NPAS3: variants seen among roughly 807,000 people sequenced by gnomAD.
The protein encoded by NPAS3 is neuronal PAS domain-containing protein 3.
A neutral mutation model predicts 73.1 loss-of-function variants in NPAS3; 14 were observed. That is an observed-to-expected ratio of 0.19 (90% CI 0.13 to 0.30). The LOEUF (loss-of-function observed/expected upper bound fraction) is 0.30. NPAS3 is among the 10% of genes least tolerant of loss of function. The pLI is 1.00. For missense variants in NPAS3, 1,096 were observed against 1,250.0 expected, an observed-to-expected ratio of 0.88 and a Z score of 1.86; for synonymous variants, 620 against 541.5, an observed-to-expected ratio of 1.14 and a Z score of -2.01.
chr14:33,437,993 A>G (rs1485787307), intron 4 of NPAS3, among the ~76,000 whole-genome samples: 2 of 152,240 alleles, frequency 1.3e-5, no homozygotes, highest in African/African-American at 4.8e-5. Context: ...TAGGAATTTT[A>G]TAATGAAGAT....
chr14:33,261,472 A>G (rs1240187788), intron 3 of NPAS3, among the ~76,000 whole-genome samples: 2 of 152,244 alleles, frequency 1.3e-5, no homozygotes, highest in Non-Finnish European at 2.9e-5. Context: ...TTGTACATAT[A>G]TTTAAAAGAT....
At chr14:33,344,219 A>C (rs986490221) in intron 3 of NPAS3, among the ~76,000 whole-genome samples, 21 of 152,240 alleles carry the variant, frequency 1.4e-4, no homozygotes, top group African/African-American at 4.8e-4. Context: ...TTGGATAGAC[A>C]ACATATTTAC....
chr14:33,189,181 T>A (rs749044235), intron 2 of NPAS3, among the ~76,000 whole-genome samples: 2 of 152,206 alleles, frequency 1.3e-5, no homozygotes, highest in African/African-American at 4.8e-5. Flanking sequence ...GGCTTCTCCC[T>A]TTTGGACCCA....
intron 5 of NPAS3, among the ~76,000 whole-genome samples, chr14:33,585,538 A>G (rs2056831633): frequency 6.6e-6 from 1 of 152,214 alleles, no homozygotes; most frequent in African/African-American, 2.4e-5. Context: ...TTTGGATTGA[A>G]ATAACCTTAT....
At chr14:33,376,022 C>A (rs1389508229) in intron 4 of NPAS3, among the ~76,000 whole-genome samples, 1 of 152,028 alleles carries the variant, frequency 6.6e-6, no homozygotes, top group Admixed American at 6.6e-5. Context: ...ACTGGAGAAT[C>A]TTATTGTGGT....
intron 1 of NPAS3, among the ~76,000 whole-genome samples, chr14:33,009,161 A>G (rs1266261084): frequency 6.6e-6 from 1 of 152,208 alleles, no homozygotes; most frequent in African/African-American, 2.4e-5. Context: ...TCCTCACTGT[A>G]TTAGAAAAGT....
At chr14:33,657,090 C>T (rs566547987) in intron 5 of NPAS3, among the ~76,000 whole-genome samples, 2 of 152,226 alleles carry the variant, frequency 1.3e-5, no homozygotes, top group East Asian at 3.9e-4. Context: ...GGACATCGCG[C>T]TAAGTGAAAT....
chr14:33,413,992 T>A (rs554870175), intron 4 of NPAS3, among the ~76,000 whole-genome samples: 33 of 152,176 alleles, frequency 2.2e-4, no homozygotes, highest in Non-Finnish European at 3.8e-4. Flanking sequence ...AAAATGAGCC[T>A]TCCTCTTTTG....
At chr14:33,552,884 GC>G (rs1343807552) in intron 4 of NPAS3, among the ~76,000 whole-genome samples, 18 of 152,264 alleles carry the variant, frequency 1.2e-4, no homozygotes, top group African/African-American at 3.9e-4. Flanking sequence ...TAAGGAATGA[GC>G]CCTTAGATTC....
intron 3 of NPAS3, among the ~76,000 whole-genome samples, chr14:33,229,480 C>T (rs141528130): frequency 1.4e-3 from 219 of 152,278 alleles, no homozygotes; most frequent in African/African-American, 5.1e-3. Flanking sequence ...GAGTCACGTG[C>T]TCACCTTCCC....
chr14:32,937,570 AG>A (rs1463618024), upstream of NPAS3, among the ~76,000 whole-genome samples: 2 of 152,172 alleles, frequency 1.3e-5, no homozygotes, highest in African/African-American at 4.8e-5. Context: ...TGTACTCCAA[AG>A]AGAACTTAAA....
intron 4 of NPAS3, among the ~76,000 whole-genome samples, chr14:33,396,752 A>G (rs916711670): frequency 6.6e-6 from 1 of 152,140 alleles, no homozygotes; most frequent in African/African-American, 2.4e-5. Context: ...TTAATACCTT[A>G]TATTCATTTA....
intron 5 of NPAS3, among the ~76,000 whole-genome samples, chr14:33,587,037 G>C (rs546224341): frequency 6.6e-6 from 1 of 152,236 alleles, no homozygotes; most frequent in South Asian, 2.1e-4. Context: ...GCCTGGTCCT[G>C]TTCTCTCCTA....
At chr14:33,144,223 T>C (rs1443534356) in intron 2 of NPAS3, among the ~76,000 whole-genome samples, 2 of 152,190 alleles carry the variant, frequency 1.3e-5, no homozygotes, top group African/African-American at 4.8e-5. Flanking sequence ...ATTTTTCATG[T>C]TTTTAACAAA....
chr14:33,588,755 A>G (rs1017657809), intron 5 of NPAS3, among the ~76,000 whole-genome samples: 1 of 152,186 alleles, frequency 6.6e-6, no homozygotes, highest in Non-Finnish European at 1.5e-5. Context: ...CTGGGATTAC[A>G]GATGCCTACC....
intron 5 of NPAS3, among the ~76,000 whole-genome samples, chr14:33,647,471 G>A (rs547957964): frequency 2.3e-4 from 35 of 151,926 alleles, no homozygotes; most frequent in Non-Finnish European, 3.5e-4. Flanking sequence ...AAACAAAAGC[G>A]GTTATGATCT....
At chr14:33,337,651 A>C (rs1036277594) in intron 3 of NPAS3, among the ~76,000 whole-genome samples, 1 of 152,054 alleles carries the variant, frequency 6.6e-6, no homozygotes, top group Non-Finnish European at 1.5e-5. Context: ...TAGAAATTCC[A>C]CTGAATCTAT....
chr14:33,326,867 G>A (rs1278360109), intron 3 of NPAS3, among the ~76,000 whole-genome samples: 2 of 152,200 alleles, frequency 1.3e-5, no homozygotes, highest in Non-Finnish European at 2.9e-5. Flanking sequence ...TGACAAGGCG[G>A]TGGTGGACAT....
intron 2 of NPAS3, among the ~76,000 whole-genome samples, chr14:33,089,684 G>A (rs1327887521): frequency 6.6e-6 from 1 of 152,068 alleles, no homozygotes; most frequent in Non-Finnish European, 1.5e-5. Context: ...GCAACTCCAA[G>A]ACACATAATT....
Sources: gnomAD v4.1 joint callset for allele counts (sites outside exome capture counted in the v4.1 genomes callset) on GRCh38, gnomAD v4.1.1 for gene constraint, MANE v1.5 for transcripts, NCBI Gene and HGNC (gene_info 2026-07-23, HGNC 2026-07-21) for gene names.